The following AGPS variants were observed in gnomAD, a reference collection of about 807,000 sequenced individuals.
AGPS encodes alkylglycerone phosphate synthase.
A neutral mutation model predicts 90.7 loss-of-function variants in AGPS; 26 were observed. That is an observed-to-expected ratio of 0.29 (90% CI 0.21 to 0.40). The LOEUF (loss-of-function observed/expected upper bound fraction) is 0.40, where lower values mean the gene tolerates loss of function less well. Ranked by LOEUF, AGPS falls within the 10% of genes least tolerant of loss-of-function variation. The probability of loss-of-function intolerance (pLI) is 1.00; values close to 1 mark genes in which losing one functional copy is unlikely to be tolerated. For missense variants in AGPS, 540 were observed against 816.1 expected (o/e 0.66, Z 4.12); for synonymous variants, 294 against 285.3 (o/e 1.03, Z -0.31).
intron 8 of AGPS, among the ~76,000 whole-genome samples, chr2:177,456,613 A>G (rs964979169): frequency 3.3e-5 from 5 of 152,174 alleles, no homozygotes; most frequent in African/African-American, 1.2e-4. Flanking sequence ...TTTTTTTGGT[A>G]TCTGTATCTT....
intron 8 of AGPS, among the ~76,000 whole-genome samples, chr2:177,453,407 G>A (rs957884249): frequency 1.3e-5 from 2 of 151,724 alleles, no homozygotes; most frequent in Non-Finnish European, 2.9e-5. Flanking sequence ...GAGTAGCTGG[G>A]ATTACAGGCA....
intron 9 of AGPS, among the ~76,000 whole-genome samples, chr2:177,466,739 A>G (rs887892999): frequency 2.6e-5 from 4 of 152,198 alleles, no homozygotes; most frequent in Non-Finnish European, 5.9e-5. Context: ...CTTTTCTCCA[A>G]GATTGGAGCA....
In AGPS at chr2:177,458,294, C is replaced by T. The variant is rs1687180574; in HGVS notation, c.871-3599C>T. 2.6e-5 allele frequency among the ~76,000 whole-genome samples: 4 copies of T among 152,204 alleles called. No homozygotes were observed. The South Asian group carries it at 8.3e-4, about 32-fold the overall frequency. The stretch of plus-strand genomic sequence containing the variant: ...AAAACTGGCACAAGACAAGGATCTC[C>T]TCTCTCACCACTCCTATTCAACATG... On this transcript the variant is annotated intron_variant, in intron 8 of 19. Coordinates refer to ENST00000264167, the MANE Select transcript of AGPS (RefSeq NM_003659.4).
At chr2:177,530,099 A>G (rs986503917) in intron 19 of AGPS, among the ~76,000 whole-genome samples, 3 of 152,220 alleles carry the variant, frequency 2.0e-5, no homozygotes, top group Non-Finnish European at 4.4e-5. Context: ...ACCATTAAAG[A>G]AAGGATTACA....
intron 10 of AGPS, 95 bp from the exon 11 acceptor site, chr2:177,481,964 G>C (rs1687958241): frequency 8.4e-7 from 1 of 1,188,198 alleles, no homozygotes; most frequent in East Asian, 3.3e-5. Context: ...ATTTAAATGT[G>C]CATAATAAAT....
At position 177,490,846 on chromosome 2, in the gene AGPS, C is replaced by CTTTT. The variant is rs61555724; in HGVS notation, c.1234-2280_1234-2277dup. 6.0e-4 allele frequency among the ~76,000 whole-genome samples: 35 copies of CTTTT among 58,172 alleles called. 1 individual carries two copies. The highest frequency in any genetic ancestry group is 8.2e-4 in the Admixed American group (3 of 3,664). 38.2% of individuals were successfully genotyped at this position (58,172 alleles called of 152,430 possible). A position where few individuals can be genotyped will look rare whatever the true frequency, so the allele number is the denominator to read the frequency against. On this transcript the variant is annotated intron_variant, in intron 11 of 19. Transcript: ENST00000264167. ...GGACCATTTGAAATTAAGTTGCAGA[C>CTTTT]TTTTTTTTTTTTTTTTTTTTTTTTT...
intron 3 of AGPS, among the ~76,000 whole-genome samples, chr2:177,434,986 T>C (rs181127290): frequency 1.7e-5 from 2 of 118,110 alleles, no homozygotes; most frequent in East Asian, 4.8e-4. Flanking sequence ...TTAGGAAACT[T>C]TAAACTGTAG....
intron 14 of AGPS, among the ~76,000 whole-genome samples, chr2:177,504,840 TAAG>T (rs779294222): frequency 4.7e-4 from 72 of 152,222 alleles, no homozygotes; most frequent in Non-Finnish European, 8.7e-4. Context: ...TCTTTTAAAA[TAAG>T]AATAACTTTT....
At chr2:177,484,010 GTT>G (rs5836609) in intron 11 of AGPS, among the ~76,000 whole-genome samples, 20,589 of 144,860 alleles carry the variant, frequency 0.14, 1,607 homozygotes, top group East Asian at 0.35. Flanking sequence ...AAGCTAGGGT[GTT>G]TTTTTTTTTT....
intron 2 of AGPS, among the ~76,000 whole-genome samples, chr2:177,429,320 C>T (rs1256990400): frequency 1.3e-5 from 2 of 152,170 alleles, no homozygotes; most frequent in African/African-American, 4.8e-5. Context: ...TGATTTCAAC[C>T]ATCTCAGCCT....
At chr2:177,481,486 G>A (rs918238380) in intron 10 of AGPS, among the ~76,000 whole-genome samples, 3 of 151,024 alleles carry the variant, frequency 2.0e-5, no homozygotes, top group Non-Finnish European at 4.4e-5. Flanking sequence ...TATTTATAAT[G>A]ACTACTTTGT....
At chr2:177,504,656 A>G (rs1688656997) in intron 14 of AGPS, among the ~76,000 whole-genome samples, 1 of 152,152 alleles carries the variant, frequency 6.6e-6, no homozygotes, top group Non-Finnish European at 1.5e-5. Context: ...ACCAAATTCA[A>G]CACAACTTCA....
chr2:177,395,726 T>C (rs1001476682), intron 1 of AGPS, among the ~76,000 whole-genome samples: 12 of 152,264 alleles, frequency 7.9e-5, no homozygotes, highest in South Asian at 2.1e-4. Flanking sequence ...TTGTGATTTG[T>C]GTATTATTCC....
intron 2 of AGPS, among the ~76,000 whole-genome samples, chr2:177,421,178 T>C (rs1685929968): frequency 6.6e-6 from 1 of 152,006 alleles, no homozygotes; most frequent in Admixed American, 6.5e-5. Flanking sequence ...TTTGATACAT[T>C]TGAAAGGGCA....
At chr2:177,404,908 A>T (rs774475335) in intron 1 of AGPS, among the ~76,000 whole-genome samples, 1 of 152,224 alleles carries the variant, frequency 6.6e-6, no homozygotes, top group African/African-American at 2.4e-5. Context: ...ACTTAAAAAA[A>T]TTATCATATT....
intron 1 of AGPS, among the ~76,000 whole-genome samples, chr2:177,414,095 C>T (rs184387689): frequency 1.3e-5 from 2 of 152,208 alleles, no homozygotes; most frequent in East Asian, 1.9e-4. Context: ...GAATTTTTCC[C>T]CTTTATACCT....
intron 13 of AGPS, among the ~76,000 whole-genome samples, chr2:177,498,706 C>G (rs1266171323): frequency 6.6e-6 from 1 of 151,298 alleles, no homozygotes; most frequent in African/African-American, 2.4e-5. Flanking sequence ...TAATCTTCAC[C>G]TCCTGCTCCT....
intron 2 of AGPS, among the ~76,000 whole-genome samples, chr2:177,423,716 C>CAAT (rs1685996451): frequency 6.6e-6 from 1 of 152,086 alleles, no homozygotes; most frequent in African/African-American, 2.4e-5. Flanking sequence ...ACATTGTAAG[C>CAAT]AATTATTAGA....
intron 1 of AGPS, among the ~76,000 whole-genome samples, chr2:177,405,964 T>A (rs1253006813): frequency 6.6e-6 from 1 of 152,192 alleles, no homozygotes; most frequent in Non-Finnish European, 1.5e-5. Flanking sequence ...GGTCATTATT[T>A]TAGTCTCCAA....
Sources: allele counts gnomAD v4.1 joint callset (sites outside exome capture counted in the v4.1 genomes callset), GRCh38; gene constraint gnomAD v4.1.1; transcripts MANE v1.5; gene names NCBI Gene and HGNC (gene_info 2026-07-23, HGNC 2026-07-21).